Variants in COBLL1 observed in about 807,000 individuals in gnomAD.
COBLL1 encodes cordon-bleu WH2 repeat protein like 1, also known as cordon-bleu protein-like 1.
COBLL1 carries 50 observed loss-of-function variants against 94.8 expected under a neutral mutation model. That is an observed-to-expected ratio of 0.53 (90% CI 0.42 to 0.67). COBLL1 has a LOEUF of 0.67. Among genes scored for constraint, COBLL1 ranks in the 30% least tolerant of loss-of-function variants. The pLI, the probability that COBLL1 is intolerant of heterozygous loss-of-function variation, is 0.00. For synonymous variants in COBLL1, 448 were observed against 473.8 expected (o/e 0.95, Z 0.71); for missense variants, 1,362 against 1,348.7 (o/e 1.01, Z -0.15).
In COBLL1 at chr2:164,682,913, A is replaced by G. The variant is rs1404350888; in HGVS notation, c.*3033T>C. On this transcript the variant is annotated 3_prime_UTR_variant, in exon 14 of 14. Coordinates refer to ENST00000652658, the MANE Select transcript of COBLL1 (RefSeq NM_001365672.2). ...AAATACGATCGATCTGTATGTGTAA[A>G]AAGAAAAGCTCTTCCAGAACACTGC... 1 of 151,992 alleles carries G rather than the reference A, an allele frequency of 6.6e-6. No individual in the cohort carries two copies. Among genetic ancestry groups the G allele is most frequent in the Non-Finnish European group, 1.5e-5 (1 of 68,012 alleles). 9.4% of individuals were successfully genotyped at this position (151,992 alleles called of 1,614,324 possible).
At chr2:164,658,846 G>A (rs1478263926) in intron 2 of COBLL1, among the ~76,000 whole-genome samples, 2 of 152,258 alleles carry the variant, frequency 1.3e-5, no homozygotes, top group Non-Finnish European at 2.9e-5. Flanking sequence ...TCCTGGAGGG[G>A]ATTACCCCAT....
At chr2:164,817,555 C>T (rs1379173902) in intron 2 of COBLL1, among the ~76,000 whole-genome samples, 1 of 152,090 alleles carries the variant, frequency 6.6e-6, no homozygotes, top group African/African-American at 2.4e-5. Flanking sequence ...CCTCAATCTC[C>T]AACATTTATG....
chr2:164,805,630 T>G (rs1387830668), intron 2 of COBLL1, among the ~76,000 whole-genome samples: 1 of 151,864 alleles, frequency 6.6e-6, no homozygotes, highest in Non-Finnish European at 1.5e-5. Flanking sequence ...TAATATGCAT[T>G]TAAGGTTGCT....
intron 2 of COBLL1, among the ~76,000 whole-genome samples, chr2:164,787,289 T>C (rs543331047): frequency 6.6e-6 from 1 of 152,240 alleles, no homozygotes; most frequent in African/African-American, 2.4e-5. Context: ...CATCTCCACA[T>C]CAGAAAAGTC....
At chr2:164,766,303 T>C (rs1210666044) in intron 2 of COBLL1, among the ~76,000 whole-genome samples, 1 of 152,162 alleles carries the variant, frequency 6.6e-6, no homozygotes, top group East Asian at 1.9e-4. Context: ...TATGGTTTGG[T>C]TCCCTGTCCC....
chr2:164,668,886 T>C (rs1194850656), intron 1 of COBLL1, among the ~76,000 whole-genome samples: 4 of 152,266 alleles, frequency 2.6e-5, no homozygotes, highest in Non-Finnish European at 4.4e-5. Flanking sequence ...TTTTTCTTTT[T>C]AATTATTGCC....
intron 7 of COBLL1, among the ~76,000 whole-genome samples, chr2:164,713,241 G>A (rs1684993238): frequency 6.6e-6 from 1 of 152,038 alleles, no homozygotes; most frequent in Non-Finnish European, 1.5e-5. Flanking sequence ...CCTAGGTTTT[G>A]TAGATTAAGA....
chr2:164,812,368 A>C (rs932186964), intron 2 of COBLL1, among the ~76,000 whole-genome samples: 5 of 152,036 alleles, frequency 3.3e-5, no homozygotes, highest in Non-Finnish European at 5.9e-5. Context: ...TAGTGAAGTA[A>C]ATAAGGCATG....
intron 2 of COBLL1, among the ~76,000 whole-genome samples, chr2:164,769,669 G>A (rs966681117): frequency 2.6e-5 from 4 of 152,100 alleles, no homozygotes; most frequent in Non-Finnish European, 2.9e-5. Context: ...GACCAGCCTG[G>A]GCAACATAGT....
At chr2:164,701,468 T>C (rs1684252747) in intron 9 of COBLL1, among the ~76,000 whole-genome samples, 1 of 152,252 alleles carries the variant, frequency 6.6e-6, no homozygotes, top group Non-Finnish European at 1.5e-5. Context: ...CAGTTTTTCC[T>C]GTATGTCCTG....
chr2:164,829,754 T>TA (rs1333934842), intron 2 of COBLL1, among the ~76,000 whole-genome samples: 2 of 152,220 alleles, frequency 1.3e-5, no homozygotes, highest in African/African-American at 2.4e-5. Context: ...ATAAATACTT[T>TA]AAAATTTTTT....
chr2:164,739,098 G>A (rs1686468056), intron 3 of COBLL1, among the ~76,000 whole-genome samples: 1 of 152,128 alleles, frequency 6.6e-6, no homozygotes, highest in South Asian at 2.1e-4. Context: ...CCCGCCCAAT[G>A]TAAGCAGAGC....
chr2:164,720,974 G>C (rs1380807624), intron 7 of COBLL1, among the ~76,000 whole-genome samples: 2 of 152,162 alleles, frequency 1.3e-5, no homozygotes, highest in Admixed American at 6.5e-5. Flanking sequence ...AGACAAGAAA[G>C]TCTTCATAGA....
intron 2 of COBLL1, among the ~76,000 whole-genome samples, chr2:164,658,472 C>T (rs575116051): frequency 8.5e-5 from 13 of 152,130 alleles, no homozygotes; most frequent in African/African-American, 1.9e-4. Flanking sequence ...ATTTGAAGAA[C>T]GATTTGTAGT....
At chr2:164,802,085 T>C (rs1200673149) in intron 2 of COBLL1, among the ~76,000 whole-genome samples, 1 of 152,218 alleles carries the variant, frequency 6.6e-6, no homozygotes, top group Non-Finnish European at 1.5e-5. Flanking sequence ...AAAACAGTTG[T>C]AAAATACTTA....
chr2:164,825,946 T>G (rs959506729), intron 2 of COBLL1, among the ~76,000 whole-genome samples: 2 of 152,196 alleles, frequency 1.3e-5, no homozygotes, highest in African/African-American at 2.4e-5. Context: ...GAAATCTGAT[T>G]TTAATCCATG....
chr2:164,736,054 A>AT (rs547424153), intron 3 of COBLL1, among the ~76,000 whole-genome samples: 1,641 of 151,710 alleles, frequency 0.011, 26 homozygotes, highest in African/African-American at 0.037. Flanking sequence ...TAGAGGGCTG[A>AT]TTTTTTTTTA....
chr2:164,704,898 C>T, intron 8 of COBLL1, 54 bp downstream of exon 8: 1 of 1,464,970 alleles, frequency 6.8e-7, no homozygotes, highest in Non-Finnish European at 9.1e-7. Context: ...TTCCTACTGT[C>T]CATATTAAAC....
At position 164,685,983 on chromosome 2, in the gene COBLL1, C is replaced by A; in HGVS notation, c.3350G>T (p.Ser1117Ile). ...TISVNGRSRL[S>I]HSMSPDAQDG... ...CTGGGCATCAGGGGACATGGAATGG[C>A]TGAGTCTTGACCTTCCATTCACAGA... Residue 1117 changes from serine to isoleucine, a missense_variant, in exon 14 of 14, where the codon AGC (serine) becomes ATC (isoleucine). Physicochemically the swap from Ser to Ile is moderately radical, Grantham distance 142. Coordinates refer to ENST00000652658, the MANE Select transcript of COBLL1 (RefSeq NM_001365672.2). 1.2e-6 allele frequency: 2 copies of A among 1,610,408 alleles called. No homozygotes were observed. The highest frequency in any genetic ancestry group is 8.5e-7 in the Non-Finnish European group (1 of 1,177,662).
Sources: allele counts gnomAD v4.1 joint callset (sites outside exome capture counted in the v4.1 genomes callset), GRCh38; gene constraint gnomAD v4.1.1; transcripts MANE v1.5; gene names NCBI Gene and HGNC (gene_info 2026-07-23, HGNC 2026-07-21).